Variants in SOX6 observed in about 807,000 individuals in gnomAD.
SOX6 encodes the protein SRY-box transcription factor 6.
In SOX6, 11 loss-of-function variants were observed where a neutral mutation model predicts 97.8. That is an observed-to-expected ratio of 0.11 (90% confidence interval 0.07 to 0.19). The LOEUF (loss-of-function observed/expected upper bound fraction) is 0.19. SOX6 is among the 10% of genes least tolerant of loss of function. The pLI, the probability that SOX6 is intolerant of heterozygous loss-of-function variation, is 1.00. For synonymous variants in SOX6, 360 were observed against 371.4 expected (o/e 0.97, Z 0.35); for missense variants, 810 against 1,039.5 (o/e 0.78, Z 3.04).
intron 7 of SOX6, among the ~76,000 whole-genome samples, chr11:16,106,033 G>A (rs1256566836): frequency 2.0e-5 from 3 of 151,986 alleles, no homozygotes; most frequent in Non-Finnish European, 4.4e-5. Flanking sequence ...ACTATAAAAC[G>A]TTTTTGAAAG....
chr11:16,084,549 G>C (rs1848538409), intron 9 of SOX6, among the ~76,000 whole-genome samples: 1 of 152,058 alleles, frequency 6.6e-6, no homozygotes, highest in Non-Finnish European at 1.5e-5. Flanking sequence ...CTGAGGGGGT[G>C]TCATTATCCC....
intron 3 of SOX6, among the ~76,000 whole-genome samples, chr11:16,637,905 G>T (rs552183631): frequency 2.0e-5 from 3 of 151,780 alleles, no homozygotes; most frequent in African/African-American, 7.2e-5. Flanking sequence ...TGGACATAGG[G>T]TCTCATTCTT....
intron 9 of SOX6, among the ~76,000 whole-genome samples, chr11:16,059,250 G>A (rs1198340402): frequency 2.6e-5 from 4 of 152,046 alleles, no homozygotes; most frequent in African/African-American, 7.2e-5. Context: ...TTAATCTGCT[G>A]TGGTTAACCA....
At chr11:16,198,274 C>T (rs549522671) in intron 4 of SOX6, among the ~76,000 whole-genome samples, 40 of 142,360 alleles carry the variant, frequency 2.8e-4, no homozygotes, top group Non-Finnish European at 5.1e-4. Flanking sequence ...TGGGGTTTCA[C>T]CATGTTGGCC....
Position 16,341,016 on chromosome 11 carries a change from C to A in SOX6, c.233G>T (p.Arg78Ile). 6.2e-7 allele frequency: 1 copy of A among 1,613,250 alleles called. No homozygotes were observed. Among genetic ancestry groups the A allele is most frequent in the Non-Finnish European group, 8.5e-7 (1 of 1,179,432 alleles). The part of the protein sequence containing the change: ...DWDSVLSSQQ[R>I]MESENNKLCS... ...GGTCAGATTTTAAAGGCTCACCATT[C>A]TTTGCTGAGATGACAGAACGCTGTC... The change falls in exon 2 of 16, where the codon AGA (arginine) becomes ATA (isoleucine). Residue 78 changes from arginine to isoleucine, a missense_variant. Coordinates refer to ENST00000683767, the MANE Select transcript of SOX6 (RefSeq NM_001367873.1).
chr11:16,234,016 AAAAAAGAAAAGAAAAGAAAG>A (rs1423626039), intron 4 of SOX6, among the ~76,000 whole-genome samples: 1 of 151,436 alleles, frequency 6.6e-6, no homozygotes, highest in African/African-American at 2.4e-5. Context: ...AAAAAAAAAA[AAAAAAGAAAAGAAAAGAAAG>A]AAAAAGAAAA....
intron 10 of SOX6, among the ~76,000 whole-genome samples, chr11:16,054,645 T>C (rs1337648934): frequency 6.6e-6 from 1 of 152,192 alleles, no homozygotes; most frequent in Non-Finnish European, 1.5e-5. Flanking sequence ...TCAGTGATTA[T>C]ATAGCATCCA....
intron 4 of SOX6, among the ~76,000 whole-genome samples, chr11:16,520,311 C>T (rs1484887649): frequency 6.6e-6 from 1 of 152,076 alleles, no homozygotes; most frequent in Non-Finnish European, 1.5e-5. Flanking sequence ...AGTTTTCTTC[C>T]AGAATTTTTA....
chr11:16,280,106 G>C (rs908711390), intron 3 of SOX6, among the ~76,000 whole-genome samples: 2 of 152,050 alleles, frequency 1.3e-5, no homozygotes, highest in Non-Finnish European at 2.9e-5. Context: ...GACTCCATTA[G>C]TCTTATTGGC....
At chr11:16,306,980 C>A (rs533037426) in intron 3 of SOX6, among the ~76,000 whole-genome samples, 1 of 152,212 alleles carries the variant, frequency 6.6e-6, no homozygotes, top group East Asian at 1.9e-4. Flanking sequence ...CAACAGAACT[C>A]CAGGAACCAA....
intron 2 of SOX6, among the ~76,000 whole-genome samples, chr11:16,340,258 G>C (rs932603607): frequency 6.6e-6 from 1 of 151,732 alleles, no homozygotes; most frequent in Non-Finnish European, 1.5e-5. Flanking sequence ...TGCAAAATGG[G>C]GTTTAAAACT....
At chr11:16,050,890 G>T (rs1007241915) in intron 10 of SOX6, among the ~76,000 whole-genome samples, 1 of 152,002 alleles carries the variant, frequency 6.6e-6, no homozygotes, top group Admixed American at 6.6e-5. Flanking sequence ...AAATAAAATT[G>T]TCGGCAAATG....
intron 1 of SOX6, among the ~76,000 whole-genome samples, chr11:16,456,743 C>A (rs186663063): frequency 1.3e-5 from 2 of 152,218 alleles, no homozygotes; most frequent in African/African-American, 2.4e-5. Flanking sequence ...ATTGACTGGG[C>A]AAATTCCTTA....
intron 4 of SOX6, among the ~76,000 whole-genome samples, chr11:16,601,289 A>T (rs1188030733): frequency 6.6e-6 from 1 of 152,158 alleles, no homozygotes. Flanking sequence ...TCTGCAAAAC[A>T]TCTTGCTGTA....
At chr11:16,353,681 T>A (rs1233117980) in intron 1 of SOX6, among the ~76,000 whole-genome samples, 1 of 152,042 alleles carries the variant, frequency 6.6e-6, no homozygotes, top group East Asian at 1.9e-4. Flanking sequence ...TTTCCATGAA[T>A]CATTGCACAG....
At chr11:16,722,832 G>T (rs1168642009) in intron 2 of SOX6, among the ~76,000 whole-genome samples, 1 of 152,188 alleles carries the variant, frequency 6.6e-6, no homozygotes, top group African/African-American at 2.4e-5. Flanking sequence ...AACAACAGAT[G>T]CTGGCACAGT....
chr11:16,063,348 T>C (rs569638585), intron 9 of SOX6, among the ~76,000 whole-genome samples: 7 of 150,918 alleles, frequency 4.6e-5, no homozygotes, highest in African/African-American at 1.7e-4. Context: ...TAATGGTCTA[T>C]AGCAGGACCT....
intron 3 of SOX6, among the ~76,000 whole-genome samples, chr11:16,694,115 A>G (rs1848035430): frequency 2.0e-5 from 3 of 152,200 alleles, no homozygotes; most frequent in African/African-American, 7.2e-5. Context: ...CCATTAATCT[A>G]TCCCTAACAG....
intron 1 of SOX6, among the ~76,000 whole-genome samples, chr11:16,468,388 T>C (rs747245421): frequency 1.3e-5 from 2 of 152,190 alleles, no homozygotes; most frequent in Non-Finnish European, 2.9e-5. Flanking sequence ...TTTGCTATAA[T>C]GTGTAAGTTG....
Sources: gnomAD v4.1 joint callset for allele counts (sites outside exome capture counted in the v4.1 genomes callset) on GRCh38, gnomAD v4.1.1 for gene constraint, MANE v1.5 for transcripts, NCBI Gene and HGNC (gene_info 2026-07-23, HGNC 2026-07-21) for gene names.